PPP2R3A: variants seen among roughly 807,000 people sequenced by gnomAD.
PPP2R3A encodes serine/threonine-protein phosphatase 2A regulatory subunit B'' subunit alpha.
PPP2R3A carries 80 observed loss-of-function variants against 106.9 expected under a neutral mutation model. That is an observed-to-expected ratio of 0.75 (90% CI 0.62 to 0.90). The LOEUF is 0.90. Among genes scored for constraint, PPP2R3A ranks in the 40% least tolerant of loss-of-function variants. The pLI is 0.00. For synonymous variants in PPP2R3A, 483 were observed against 468.3 expected (o/e 1.03, Z -0.41); for missense variants, 1,386 against 1,350.4 (o/e 1.03, Z -0.41).
chr3:136,061,845 G>A (rs1341109049), intron 5 of PPP2R3A, among the ~76,000 whole-genome samples: 3 of 149,230 alleles, frequency 2.0e-5, no homozygotes, highest in Non-Finnish European at 3.0e-5. Context: ...GCATGAACCC[G>A]GGACCTGGGA....
At chr3:136,135,827 G>C (rs1938590703) in intron 13 of PPP2R3A, among the ~76,000 whole-genome samples, 1 of 151,988 alleles carries the variant, frequency 6.6e-6, no homozygotes, top group Non-Finnish European at 1.5e-5. Context: ...GAGGCAGGCA[G>C]ATGAGGCCAG....
At position 136,002,257 on chromosome 3, in the gene PPP2R3A, C is replaced by T. The variant is rs1361297383; in HGVS notation, c.759C>T (p.Cys253=). The T allele has an allele frequency of 6.2e-7, 1 of 1,613,692 alleles. No individual in the cohort carries two copies. Among genetic ancestry groups the T allele is most frequent in the Non-Finnish European group, 8.5e-7 (1 of 1,179,866 alleles). ...LKKCTDIIKQ[C]IKKKSGSSIS... is the part of the protein sequence containing the mutation. Reference sequence around the variant, plus strand: ...AATGCACAGACATCATAAAACAATGCATAAAGAAAAAATCAGGGAGTAGCA... The same window carrying T: ...AATGCACAGACATCATAAAACAATGTATAAAGAAAAAATCAGGGAGTAGCA... The change falls in exon 2 of 14, where the codon TGC becomes TGT. Residue 253 remains cysteine, a synonymous_variant. Transcript: ENST00000264977.
At chr3:136,085,787 T>G (rs1012214821) in intron 8 of PPP2R3A, among the ~76,000 whole-genome samples, 1 of 152,026 alleles carries the variant, frequency 6.6e-6, no homozygotes, top group Admixed American at 6.6e-5. Flanking sequence ...GGTATGCATC[T>G]TAAGAAAAGG....
chr3:136,093,336 G>A (rs1294190336), intron 10 of PPP2R3A, among the ~76,000 whole-genome samples: 3 of 152,202 alleles, frequency 2.0e-5, no homozygotes, highest in Non-Finnish European at 4.4e-5. Context: ...TTGAGCCTGG[G>A]AGGCAGAGGT....
At chr3:136,113,870 C>T (rs764346956) in intron 13 of PPP2R3A, among the ~76,000 whole-genome samples, 5 of 151,928 alleles carry the variant, frequency 3.3e-5, no homozygotes, top group Non-Finnish European at 2.9e-5. Flanking sequence ...ACATTCTCGA[C>T]ATAGGCCTTG....
rs1937372661 is a variant in PPP2R3A, at chr3:136,102,003, C to G, written c.2928-4C>G. 1.9e-6 allele frequency: 3 copies of G among 1,611,706 alleles called. No individual in the cohort carries two copies. Among genetic ancestry groups the G allele is most frequent in the Admixed American group, 1.7e-5 (1 of 59,922 alleles). ...CCATGATAATGATTGTCCTTATCAT[C>G]TAGCATTGAGTATTGGTTCCGCTGC... On this transcript the variant is annotated splice_region_variant and splice_polypyrimidine_tract_variant and intron_variant, in intron 10 of 13. Transcript: ENST00000264977.
intron 5 of PPP2R3A, among the ~76,000 whole-genome samples, chr3:136,068,408 C>A (rs1245399718): frequency 6.6e-6 from 1 of 152,100 alleles, no homozygotes; most frequent in Non-Finnish European, 1.5e-5. Flanking sequence ...ATCCCAGCTA[C>A]TCGGAAGGCT....
intron 1 of PPP2R3A, among the ~76,000 whole-genome samples, chr3:135,975,156 A>G (rs925725158): frequency 1.3e-5 from 2 of 152,196 alleles, no homozygotes; most frequent in East Asian, 1.9e-4. Context: ...TGGGCCCTCA[A>G]TGAGTGGAGG....
intron 1 of PPP2R3A, among the ~76,000 whole-genome samples, chr3:135,980,597 G>A (rs1423610827): frequency 6.6e-6 from 1 of 151,818 alleles, no homozygotes; most frequent in Non-Finnish European, 1.5e-5. Context: ...TAGGAGGTGA[G>A]GTGAAGTAGA....
rs759425722 is a variant in PPP2R3A at position 136,079,023 on chromosome 3, A to G, written c.2631+570A>G. The G allele has an allele frequency of 1.3e-4, 37 of 292,602 alleles. 1 individual carries two copies. The highest frequency in any genetic ancestry group is 2.8e-4 in the African/African-American group (13 of 45,956). 18.1% of individuals were successfully genotyped at this position (292,602 alleles called of 1,614,324 possible). ...TGATTGTTTAAGCTTCTGTAAACAT[A>G]AAGTGAAATTGTTCACACTTGGAAG... On this transcript the variant is annotated intron_variant, in intron 7 of 13. Transcript: ENST00000264977.
At chr3:136,142,596 T>C (rs960753204) in intron 13 of PPP2R3A, among the ~76,000 whole-genome samples, 1 of 152,212 alleles carries the variant, frequency 6.6e-6, no homozygotes, top group Non-Finnish European at 1.5e-5. Flanking sequence ...CTGACTTTTA[T>C]AGTCTGACTC....
intron 12 of PPP2R3A, among the ~76,000 whole-genome samples, chr3:136,104,490 C>T (rs1421562624): frequency 1.3e-5 from 2 of 151,962 alleles, no homozygotes; most frequent in Non-Finnish European, 2.9e-5. Flanking sequence ...ATTTTTTGTA[C>T]AGACAAGGTT....
chr3:136,058,204 A>G (rs1249545826), intron 5 of PPP2R3A, among the ~76,000 whole-genome samples: 6 of 152,206 alleles, frequency 3.9e-5, no homozygotes, highest in Admixed American at 3.9e-4. Flanking sequence ...AGAGAAAGAA[A>G]TAAAGGGCAT....
intron 13 of PPP2R3A, among the ~76,000 whole-genome samples, chr3:136,114,097 A>C (rs1937647688): frequency 6.6e-6 from 1 of 152,168 alleles, no homozygotes; most frequent in Admixed American, 6.5e-5. Context: ...GTTGGACAGT[A>C]GGTGCAGCCC....
intron 3 of PPP2R3A, among the ~76,000 whole-genome samples, chr3:136,031,303 A>G (rs1273965886): frequency 6.6e-5 from 10 of 151,984 alleles, no homozygotes; most frequent in Non-Finnish European, 1.5e-5. Context: ...GGCCATTTGT[A>G]TATCTTCTTT....
At chr3:136,119,244 G>A (rs1017461335) in intron 13 of PPP2R3A, among the ~76,000 whole-genome samples, 25 of 152,118 alleles carry the variant, frequency 1.6e-4, no homozygotes, top group East Asian at 5.8e-4. Context: ...AGACTTAAAC[G>A]TAAGACCTAA....
chr3:136,041,077 A>G, intron 4 of PPP2R3A, 115 bp downstream of exon 4: 1 of 740,014 alleles, frequency 1.4e-6, no homozygotes, highest in Non-Finnish European at 2.1e-6. Flanking sequence ...TACTCTTTAT[A>G]TCAACAAGGA....
intron 10 of PPP2R3A, among the ~76,000 whole-genome samples, chr3:136,098,594 A>G (rs1376373104): frequency 6.6e-6 from 1 of 152,184 alleles, no homozygotes; most frequent in Non-Finnish European, 1.5e-5. Flanking sequence ...TTTGCCATGA[A>G]TTTGTGGTTC....
chr3:136,077,033 A>G (rs182540406), intron 6 of PPP2R3A, among the ~76,000 whole-genome samples: 1 of 151,990 alleles, frequency 6.6e-6, no homozygotes, highest in African/African-American at 2.4e-5. Context: ...GGAGGTGATG[A>G]TGGTCAGGTG....
Sources: allele counts gnomAD v4.1 joint callset (sites outside exome capture counted in the v4.1 genomes callset), GRCh38; gene constraint gnomAD v4.1.1; transcripts MANE v1.5; gene names NCBI Gene and HGNC (gene_info 2026-07-23, HGNC 2026-07-21).